The following GFPT2 variants were observed in gnomAD, a reference collection of about 807,000 sequenced individuals.
The protein encoded by GFPT2 is glutamine--fructose-6-phosphate aminotransferase [isomerizing] 2.
Under a neutral mutation model 85.6 loss-of-function variants are expected in GFPT2, and 62 were observed. That is an observed-to-expected ratio of 0.72 (90% CI 0.59 to 0.90). The LOEUF (loss-of-function observed/expected upper bound fraction) is 0.90, where lower values mean the gene tolerates loss of function less well. GFPT2 is among the 40% of genes least tolerant of loss of function. The probability of loss-of-function intolerance (pLI) is 0.00; values close to 1 mark genes in which losing one functional copy is unlikely to be tolerated. For synonymous variants in GFPT2, 368 were observed against 344.5 expected (o/e 1.07, Z -0.75); for missense variants, 788 against 893.4 (o/e 0.88, Z 1.50).
chr5:180,321,707 G>A (rs999586791), intron 9 of GFPT2, among the ~76,000 whole-genome samples: 5 of 152,236 alleles, frequency 3.3e-5, no homozygotes, highest in East Asian at 1.9e-4. Context: ...CACTACACGC[G>A]ACAGAATCAC....
At position 180,328,330 on chromosome 5, in the gene GFPT2, T is replaced by G. The variant is rs1292066420; in HGVS notation, c.543A>C (p.Ala181=). 1 of 1,612,766 alleles carries G rather than the reference T, an allele frequency of 6.2e-7. No homozygotes were observed. ...VERVIQQLEG[A]FALVFKSVHY... ...GGACACTCTTGAAAACCAGCGCGAA[T>G]GCACCTTCCTGAAAACACACAAACA... Residue 181 remains alanine (A), a synonymous_variant, in exon 7 of 19, where the codon GCA becomes GCC. Coordinates refer to ENST00000253778, the MANE Select transcript of GFPT2 (RefSeq NM_005110.4). The surrounding 1 kb of genome is among the most constrained non-coding windows in gnomAD (Gnocchi z 5.4).
chr5:180,302,373 C>A, intron 18 of GFPT2, 50 bp downstream of exon 18: 1 of 1,420,676 alleles, frequency 7.0e-7, no homozygotes, highest in Non-Finnish European at 9.8e-7. Flanking sequence ...GAAAGGAACT[C>A]TGGGGTTATG....
chr5:180,308,391 T>A (rs576964080), intron 15 of GFPT2, among the ~76,000 whole-genome samples: 2 of 152,262 alleles, frequency 1.3e-5, no homozygotes, highest in Non-Finnish European at 2.9e-5. Flanking sequence ...ATGGCACTGC[T>A]TTTTGTTCTT....
chr5:180,324,793 C>G, intron 8 of GFPT2, 23 bp downstream of exon 8: 2 of 1,458,078 alleles, frequency 1.4e-6, no homozygotes, highest in Non-Finnish European at 1.9e-6. Flanking sequence ...CTGTGCTGTT[C>G]CGGTACTTCT....
intron 1 of GFPT2, among the ~76,000 whole-genome samples, chr5:180,347,890 G>A (rs924347738): frequency 6.6e-6 from 1 of 152,108 alleles, no homozygotes; most frequent in African/African-American, 2.4e-5. Flanking sequence ...GCCAGGTTGG[G>A]CCCACGTTCT....
In GFPT2 at chr5:180,316,355, A is replaced by G; in HGVS notation, c.1259T>C (p.Phe420Ser). ...GTGTCCCTTACCTGACTGGCTGATG[A>G]AAAAGCAAACGTCATCCCTGAACAC... is the stretch of plus-strand genomic sequence containing the variant. ...TPVFRDDVCF[F>S]ISQSGETADT... Residue 420 changes from phenylalanine (F) to serine (S), a missense_variant, in exon 13 of 19, where the codon TTC becomes TCC. Coordinates refer to ENST00000253778, the MANE Select transcript of GFPT2 (RefSeq NM_005110.4). 6.2e-7 allele frequency: 1 copy of G among 1,614,136 alleles called. No homozygotes were observed. The highest frequency in any genetic ancestry group is 1.1e-5 in the South Asian group (1 of 91,080).
At position 180,338,579 on chromosome 5, in the gene GFPT2, T is replaced by A; in HGVS notation, c.29A>T (p.Tyr10Phe). The stretch of plus-strand genomic sequence containing the variant: ...CTCCTTCCTCGTCCGGGGGACTCTG[T>A]AGTTCATGTAGGCAAAGATTCCTGT... MCGIFAYMN[Y>F]RVPRTRKEIF... Residue 10 changes from tyrosine (Y) to phenylalanine (F), a missense_variant, in exon 2 of 19, where the codon TAC (tyrosine) becomes TTC (phenylalanine). Tyr to Phe is a conservative substitution (Grantham distance 22). Transcript: ENST00000253778. The A allele has an allele frequency of 6.2e-7, 1 of 1,603,200 alleles. No individual in the cohort carries two copies. The highest frequency in any genetic ancestry group is 1.1e-5 in the South Asian group (1 of 90,650).
intron 7 of GFPT2, among the ~76,000 whole-genome samples, chr5:180,326,092 T>G (rs1225469949): frequency 6.6e-6 from 1 of 152,210 alleles, no homozygotes; most frequent in Admixed American, 6.5e-5. Context: ...TTCCAAAATC[T>G]AATCCTTTGC....
rs1468869592 is a variant in GFPT2, at chr5:180,336,375, G to A, written c.214+104C>T. The A allele has an allele frequency of 3.8e-6, 3 of 779,868 alleles. No homozygotes were observed. In the East Asian group the frequency reaches 7.3e-5, roughly 19 times the overall value. 48.3% of individuals were successfully genotyped at this position (779,868 alleles called of 1,614,324 possible). ...CTTAGCCCTCCCTCTGTTTATCTGAGCTGGGACAAAGGAGAATCTCCATTC... is the reference window on the plus strand; with the variant it reads ...CTTAGCCCTCCCTCTGTTTATCTGAACTGGGACAAAGGAGAATCTCCATTC... On this transcript the variant is annotated intron_variant, in intron 3 of 18. Transcript: ENST00000253778.
chr5:180,322,446 AT>A (rs572649310), intron 9 of GFPT2, among the ~76,000 whole-genome samples: 1 of 151,644 alleles, frequency 6.6e-6, no homozygotes, highest in African/African-American at 2.4e-5. Flanking sequence ...ACTCTAAAGC[AT>A]TTTTTTTTCC....
In GFPT2 at chr5:180,302,453, G is replaced by A; in HGVS notation, c.1974C>T (p.Ser658=). Residue 658 remains serine (S), a synonymous_variant, in exon 18 of 19, where the codon TCC becomes TCT. Transcript: ENST00000253778. The part of the protein sequence containing the change: ...ILSVIPLQLL[S]FHLAVLRGYD... Reference sequence around the variant, plus strand: ...ATCCTCGGAGAACAGCCAGGTGGAAGGACAGCAGCTGCAGCGGAATCACGC... The same window carrying A: ...ATCCTCGGAGAACAGCCAGGTGGAAAGACAGCAGCTGCAGCGGAATCACGC... 1 of 1,614,012 alleles carries A rather than the reference G, an allele frequency of 6.2e-7. No homozygotes were observed. The highest frequency in any genetic ancestry group is 8.5e-7 in the Non-Finnish European group (1 of 1,179,940).
At chr5:180,340,681 T>A (rs1764498659) in intron 1 of GFPT2, among the ~76,000 whole-genome samples, 1 of 151,654 alleles carries the variant, frequency 6.6e-6, no homozygotes, top group Non-Finnish European at 1.5e-5. Context: ...CCAGCTAATT[T>A]TTTTTTGTAT....
At chr5:180,341,671 C>T (rs1764518528) in intron 1 of GFPT2, among the ~76,000 whole-genome samples, 1 of 151,914 alleles carries the variant, frequency 6.6e-6, no homozygotes, top group African/African-American at 2.4e-5. Flanking sequence ...TAAAATCAGC[C>T]AAGGGCAATT....
At chr5:180,303,222 T>A (rs2127645417) in intron 17 of GFPT2, among the ~76,000 whole-genome samples, 1 of 122,130 alleles carries the variant, frequency 8.2e-6, no homozygotes, top group South Asian at 2.5e-4. Flanking sequence ...AGAGCCAGAC[T>A]CCGTCACAAA....
Position 180,335,967 on chromosome 5 carries a change from A to G in GFPT2, c.215-14T>C, listed in dbSNP as rs765906730. ...TGCTGTCTTGTTCTAAATGAAAGGA[A>G]AATCAGTTTGCCGCACTTGAACAAC... is the stretch of plus-strand genomic sequence containing the variant. On this transcript the variant is annotated splice_polypyrimidine_tract_variant and intron_variant, in intron 3 of 18. Coordinates refer to ENST00000253778, the MANE Select transcript of GFPT2 (RefSeq NM_005110.4). 2 of 1,556,920 alleles carry G rather than the reference A, an allele frequency of 1.3e-6. No individual in the cohort carries two copies. The highest frequency in any genetic ancestry group is 8.6e-7 in the Non-Finnish European group (1 of 1,156,610).
At chr5:180,303,657 AC>A (rs2127645546) in intron 17 of GFPT2, among the ~76,000 whole-genome samples, 1 of 152,220 alleles carries the variant, frequency 6.6e-6, no homozygotes, top group African/African-American at 2.4e-5. Flanking sequence ...TGGATGGGGC[AC>A]CTCATTGGAT....
chr5:180,329,567 A>G (rs1764269668), intron 6 of GFPT2, among the ~76,000 whole-genome samples: 2 of 152,264 alleles, frequency 1.3e-5, no homozygotes, highest in Admixed American at 6.5e-5. Flanking sequence ...GCTGTTTTTT[A>G]TAAACACGTC....
In GFPT2 at chr5:180,324,819, T is replaced by C. The variant is rs768307238; in HGVS notation, c.673A>G (p.Thr225Ala). 6.3e-7 allele frequency: 1 copy of C among 1,586,616 alleles called. No homozygotes were observed. Among genetic ancestry groups the C allele is most frequent in the Admixed American group, 1.7e-5 (1 of 59,994 alleles). ...CGGTACTTCTTGAGAAACTTACACG[T>C]CCTGTATAAGATAGGGATCTGTTCT... ...STEQIPILYR[T>A]CTLENVKNIC... The change falls in exon 8 of 19, where the codon ACG becomes GCG. Residue 225 changes from threonine (T) to alanine (A), a missense_variant. Physicochemically the swap from Thr to Ala is moderately conservative, Grantham distance 58 (BLOSUM62 0). Coordinates refer to ENST00000253778, the MANE Select transcript of GFPT2 (RefSeq NM_005110.4).
At chr5:180,334,437 A>G (rs1764361409) in intron 4 of GFPT2, among the ~76,000 whole-genome samples, 1 of 152,140 alleles carries the variant, frequency 6.6e-6, no homozygotes, top group Non-Finnish European at 1.5e-5. Context: ...AGAACCACTG[A>G]TCAGCAGTGG....
Sources: gnomAD v4.1 joint callset for allele counts (sites outside exome capture counted in the v4.1 genomes callset) on GRCh38, gnomAD v4.1.1 for gene constraint, Gnocchi (gnomAD v3.1) non-coding constraint, MANE v1.5 for transcripts, NCBI Gene and HGNC (gene_info 2026-07-23, HGNC 2026-07-21) for gene names.